The following L3MBTL4 variants were observed in gnomAD, a reference collection of about 807,000 sequenced individuals.
L3MBTL4 encodes L3MBTL histone methyl-lysine binding protein 4.
A neutral mutation model predicts 84.5 loss-of-function variants in L3MBTL4; 70 were observed. The observed-to-expected ratio is 0.83, with a 90% CI of 0.68 to 1.01. The LOEUF (loss-of-function observed/expected upper bound fraction) is 1.01. Ranked by LOEUF, L3MBTL4 falls within the 50% of genes least tolerant of loss-of-function variation. The pLI is 0.00. For synonymous variants in L3MBTL4, 274 were observed against 259.8 expected (o/e 1.05, Z -0.52); for missense variants, 715 against 754.8 (o/e 0.95, Z 0.62).
chr18:6,102,699 G>T (rs1486205567), intron 14 of L3MBTL4, among the ~76,000 whole-genome samples: 1 of 152,196 alleles, frequency 6.6e-6, no homozygotes, highest in Non-Finnish European at 1.5e-5. Context: ...TCTGCAGCTG[G>T]TGCACACAGA....
Position 6,239,751 on chromosome 18 carries a change from T to C in L3MBTL4, c.674A>G (p.His225Arg), listed in dbSNP as rs2047374672. 6.2e-7 allele frequency: 1 copy of C among 1,614,114 alleles called. No individual in the cohort carries two copies. The highest frequency in any genetic ancestry group is 2.2e-5 in the East Asian group (1 of 44,894). The change falls in exon 9 of 19, where the codon CAT becomes CGT. Residue 225 changes from histidine (H) to arginine (R), a missense_variant. His to Arg is a conservative substitution (Grantham distance 29). Transcript: ENST00000317931. ...GTAACTATCATCCCAGTTGTCAAAA[T>C]GCACTAGTAAGCGATCTTCAACAAT... ...ADIVEDRLLVHFDNWDDSYDY... is the reference protein window; with the variant it reads ...ADIVEDRLLVRFDNWDDSYDY...
chr18:6,094,190 C>T (rs1025908231), intron 14 of L3MBTL4, among the ~76,000 whole-genome samples: 1 of 152,162 alleles, frequency 6.6e-6, no homozygotes, highest in Non-Finnish European at 1.5e-5. Context: ...TCTGCCAGGG[C>T]CAATGACCTG....
At chr18:6,226,267 G>A (rs2046779566) in intron 10 of L3MBTL4, among the ~76,000 whole-genome samples, 2 of 151,982 alleles carry the variant, frequency 1.3e-5, no homozygotes, top group Non-Finnish European at 2.9e-5. Context: ...ATAGCTGAGT[G>A]TCATGGTGCA....
intron 4 of L3MBTL4, among the ~76,000 whole-genome samples, chr18:6,269,077 G>A (rs2048756996): frequency 6.6e-6 from 1 of 152,144 alleles, no homozygotes; most frequent in African/African-American, 2.4e-5. Flanking sequence ...AATTTAATTA[G>A]TAACTTTTAA....
chr18:6,289,774 A>G (rs538087110), intron 4 of L3MBTL4, among the ~76,000 whole-genome samples: 1 of 152,282 alleles, frequency 6.6e-6, no homozygotes, highest in South Asian at 2.1e-4. Flanking sequence ...TTTATCTTGA[A>G]GGCTTGGAAA....
chr18:6,040,061 G>GAA (rs1331369352), intron 16 of L3MBTL4, among the ~76,000 whole-genome samples: 1 of 151,998 alleles, frequency 6.6e-6, no homozygotes, highest in Non-Finnish European at 1.5e-5. Flanking sequence ...TGTACAGTAG[G>GAA]AAACATGAGA....
At chr18:6,170,880 G>A (rs2043938295) in intron 13 of L3MBTL4, among the ~76,000 whole-genome samples, 1 of 152,082 alleles carries the variant, frequency 6.6e-6, no homozygotes, top group African/African-American at 2.4e-5. Flanking sequence ...ATATGGTGCT[G>A]ACCATGGTCC....
rs531292363 is a variant in L3MBTL4, at chr18:6,026,753, T to C, written c.1444+54128A>G. On this transcript the variant is annotated intron_variant, in intron 16 of 18. Transcript: ENST00000317931. ...AACATAAGGGGTTGAATATTGAATA[T>C]TAATTAACATTTACTTTAATATTGA... Among the ~76,000 whole-genome samples the C allele has an allele frequency of 5.3e-5, 8 of 152,328 alleles. No homozygotes were observed. In the Middle Eastern group the frequency reaches 0.01, roughly 194 times the overall value.
chr18:6,292,397 T>C (rs1176839131), intron 4 of L3MBTL4, among the ~76,000 whole-genome samples: 1 of 152,198 alleles, frequency 6.6e-6, no homozygotes, highest in African/African-American at 2.4e-5. Flanking sequence ...ACTCTCCTAA[T>C]AGAATAATGT....
intron 4 of L3MBTL4, among the ~76,000 whole-genome samples, chr18:6,278,545 TATAGTCTA>T (rs1260669510): frequency 6.6e-6 from 1 of 152,228 alleles, no homozygotes; most frequent in Non-Finnish European, 1.5e-5. Context: ...GATATGCATC[TATAGTCTA>T]GTTTTGCTTT....
intron 16 of L3MBTL4, among the ~76,000 whole-genome samples, chr18:6,059,593 T>C (rs1371353642): frequency 1.3e-5 from 2 of 150,562 alleles, no homozygotes; most frequent in Non-Finnish European, 3.0e-5. Context: ...TGAAGGATAA[T>C]ACAGAATATA....
intron 16 of L3MBTL4, among the ~76,000 whole-genome samples, chr18:6,037,260 A>T (rs1057201987): frequency 6.6e-6 from 1 of 152,234 alleles, no homozygotes; most frequent in Admixed American, 6.5e-5. Context: ...GAAATGGGTA[A>T]CTACTACTGT....
chr18:6,009,626 G>A (rs941946515), intron 16 of L3MBTL4, among the ~76,000 whole-genome samples: 5 of 152,048 alleles, frequency 3.3e-5, no homozygotes, highest in East Asian at 1.9e-4. Flanking sequence ...ACACCCTCCC[G>A]TATACCTGTA....
intron 14 of L3MBTL4, among the ~76,000 whole-genome samples, chr18:6,093,762 C>T (rs866618591): frequency 5.9e-5 from 9 of 152,168 alleles, no homozygotes; most frequent in African/African-American, 1.9e-4. Context: ...TCAACACATA[C>T]GGCATTTATA....
intron 12 of L3MBTL4, among the ~76,000 whole-genome samples, chr18:6,193,250 A>G (rs2045210947): frequency 6.6e-6 from 1 of 152,096 alleles, no homozygotes; most frequent in Admixed American, 6.5e-5. Context: ...AATGAAAATC[A>G]GAGTCATGTT....
chr18:6,338,568 A>G (rs947654785), intron 1 of L3MBTL4, among the ~76,000 whole-genome samples: 4 of 151,934 alleles, frequency 2.6e-5, no homozygotes, highest in African/African-American at 9.7e-5. Context: ...AAGGCCAGTA[A>G]AAAAATAGAT....
At chr18:6,005,800 T>C (rs1055895969) in intron 16 of L3MBTL4, among the ~76,000 whole-genome samples, 27 of 152,190 alleles carry the variant, frequency 1.8e-4, no homozygotes, top group African/African-American at 6.0e-4. Flanking sequence ...GATGAACATA[T>C]GCATGCATGT....
intron 16 of L3MBTL4, among the ~76,000 whole-genome samples, chr18:5,987,022 T>A (rs1207179290): frequency 1.3e-5 from 2 of 152,210 alleles, no homozygotes; most frequent in Admixed American, 6.5e-5. Context: ...TCTCCCACCA[T>A]CAGTGGGATG....
In L3MBTL4 at chr18:6,045,543, G is replaced by T. The variant is rs894844913; in HGVS notation, c.1444+35338C>A. ...GAGCAAGTCACATCTTATGTGGATG[G>T]CAGCAGGCAAAGACGGTTTGTGCAG... On this transcript the variant is annotated intron_variant, in intron 16 of 18. Coordinates refer to ENST00000317931, the MANE Select transcript of L3MBTL4 (RefSeq NM_001330559.2). Among the ~76,000 whole-genome samples, 7 of 152,292 alleles carry T rather than the reference G, an allele frequency of 4.6e-5. No individual in the cohort carries two copies. The East Asian group carries it at 1.4e-3, about 29-fold the overall frequency.
Sources: gnomAD v4.1 joint callset for allele counts (sites outside exome capture counted in the v4.1 genomes callset) on GRCh38, gnomAD v4.1.1 for gene constraint, MANE v1.5 for transcripts, NCBI Gene and HGNC (gene_info 2026-07-23, HGNC 2026-07-21) for gene names.